Variants in ASCC2 observed in about 807,000 individuals in gnomAD.
ASCC2 encodes activating signal cointegrator 1 complex subunit 2, also known as ASC-1 complex subunit P100.
In ASCC2, 42 loss-of-function variants were observed where a neutral mutation model predicts 93.5. That is an observed-to-expected ratio of 0.45 (90% CI 0.35 to 0.58). The LOEUF (loss-of-function observed/expected upper bound fraction) is 0.58, where lower values mean the gene tolerates loss of function less well. Ranked by LOEUF, ASCC2 falls within the 20% of genes least tolerant of loss-of-function variation. The probability of loss-of-function intolerance (pLI) is 0.00; values close to 1 mark genes in which losing one functional copy is unlikely to be tolerated. For missense variants in ASCC2, 859 were observed against 977.6 expected (o/e 0.88, Z 1.62); for synonymous variants, 364 against 384.2 (o/e 0.95, Z 0.62).
chr22:29,832,102 A>G (rs2063223647), intron 2 of ASCC2, 143 bp downstream of exon 2: 1 of 675,450 alleles, frequency 1.5e-6, no homozygotes, highest in Non-Finnish European at 2.5e-6. Context: ...GGCCTGGAAG[A>G]GACTAGTAGT....
chr22:29,820,861 G>T (rs1354151353), intron 5 of ASCC2, among the ~76,000 whole-genome samples: 1 of 143,330 alleles, frequency 7.0e-6, no homozygotes, highest in Non-Finnish European at 1.5e-5. Context: ...GGCCGAGATT[G>T]CACCATTGCA....
chr22:29,828,691 T>C (rs1174189156), intron 2 of ASCC2, among the ~76,000 whole-genome samples: 2 of 152,152 alleles, frequency 1.3e-5, no homozygotes, highest in African/African-American at 2.4e-5. Context: ...CACCTCTCTA[T>C]ACCACTTGAA....
intron 19 of ASCC2, 82 bp downstream of exon 19, chr22:29,790,387 G>A (rs1013142791): frequency 1.5e-5 from 21 of 1,406,762 alleles, no homozygotes; most frequent in African/African-American, 1.3e-4. Context: ...TAGGGTGTAC[G>A]TGTGGGTTTC....
In ASCC2 at chr22:29,792,437, G is replaced by C. The variant is rs774147604; in HGVS notation, c.2018C>G (p.Pro673Arg). 3 of 1,613,866 alleles carry C rather than the reference G, an allele frequency of 1.9e-6. No individual in the cohort carries two copies. In the East Asian group the frequency reaches 6.7e-5, roughly 36 times the overall value. ...TGCTACCTGCCAGGGAGGTACCTTG[G>C]GAGCCTCCTCGTCAGCATCGTCTTC... is the stretch of plus-strand genomic sequence containing the variant. ...DEEDDADEEA[P>R]KPDHFVQDPA... Residue 673 changes from proline (P) to arginine (R), a missense_variant, in exon 18 of 20, where the codon CCC becomes CGC. Coordinates refer to ENST00000307790, the MANE Select transcript of ASCC2 (RefSeq NM_032204.5).
At chr22:29,803,875 T>C (rs1283188943) in intron 13 of ASCC2, among the ~76,000 whole-genome samples, 1 of 152,228 alleles carries the variant, frequency 6.6e-6, no homozygotes, top group Admixed American at 6.5e-5. Context: ...CATTTGTTAA[T>C]GGAGCACTGA....
chr22:29,802,865 A>G (rs2059252994), intron 13 of ASCC2, among the ~76,000 whole-genome samples: 1 of 152,072 alleles, frequency 6.6e-6, no homozygotes, highest in Non-Finnish European at 1.5e-5. Flanking sequence ...TGATCCCAGA[A>G]GGTCGAGGCT....
At chr22:29,807,488 G>A (rs1057274173) in intron 9 of ASCC2, among the ~76,000 whole-genome samples, 2 of 152,078 alleles carry the variant, frequency 1.3e-5, no homozygotes, top group African/African-American at 2.4e-5. Context: ...CTGAGGGAAG[G>A]GCTTCAATGC....
chr22:29,793,655 CGT>C lies in ASCC2; in HGVS notation c.1708_1709del (p.Thr570AlafsTer45). 1 of 1,578,466 alleles carries C rather than the reference CGT, an allele frequency of 6.3e-7. No homozygotes were observed. Among genetic ancestry groups the C allele is most frequent in the Non-Finnish European group, 8.6e-7 (1 of 1,163,196 alleles). ...CACGCTTGTCGTTCAGCAAACTCCG[CGT>C]GTTTTCCTCCTTCCTGGTGCTGAGA... ...KGKSTRKEENTRSLLNDKRAV... is the reference protein window; with the variant it reads ...KGKSTRKEENXRSLLNDKRAV... On this transcript the variant is annotated frameshift_variant, in exon 16 of 20. Transcript: ENST00000307790. LOFTEE classifies it high-confidence loss of function.
chr22:29,794,527 G>A (rs906265111), intron 15 of ASCC2, among the ~76,000 whole-genome samples: 3 of 152,026 alleles, frequency 2.0e-5, no homozygotes, highest in Non-Finnish European at 4.4e-5. Context: ...TAAAATGTGC[G>A]TACCTTTCAA....
At chr22:29,827,132 A>AAAC (rs1480939129) in intron 2 of ASCC2, among the ~76,000 whole-genome samples, 1 of 151,160 alleles carries the variant, frequency 6.6e-6, no homozygotes, top group African/African-American at 2.4e-5. Context: ...TATACCCATG[A>AAAC]AACAATTTGT....
At chr22:29,794,599 T>G (rs1193895611) in intron 15 of ASCC2, among the ~76,000 whole-genome samples, 1 of 152,236 alleles carries the variant, frequency 6.6e-6, no homozygotes, top group Non-Finnish European at 1.5e-5. Context: ...TACAGAGGTC[T>G]GATTAGGGAT....
At chr22:29,819,322 G>A (rs949645300) in intron 5 of ASCC2, among the ~76,000 whole-genome samples, 1 of 151,968 alleles carries the variant, frequency 6.6e-6, no homozygotes, top group Admixed American at 6.6e-5. Context: ...CACCATGCCC[G>A]GCAAATTTTT....
At chr22:29,822,557 C>T in intron 4 of ASCC2, 93 bp from the exon 5 acceptor site, 1 of 1,441,674 alleles carries the variant, frequency 6.9e-7, no homozygotes. Context: ...TTGGTTCCAT[C>T]AAATGGGGAC....
chr22:29,793,410 G>T lies in ASCC2; in HGVS notation c.1869C>A (p.Asn623Lys). The change falls in exon 17 of 20, where the codon AAC (asparagine) becomes AAA (lysine). Residue 623 changes from asparagine (N) to lysine (K), a missense_variant. Physicochemically the swap from Asn to Lys is moderately conservative, Grantham distance 94 (BLOSUM62 0). Transcript: ENST00000307790. ...EDEYDDTYDG[N>K]QVGANDADSD... ...AGTCTGCATCATTGGCGCCCACCTG[G>T]TTGCCATCGTATGTGTCATCGTACT... The T allele has an allele frequency of 1.2e-6, 2 of 1,614,046 alleles. No individual in the cohort carries two copies. The highest frequency in any genetic ancestry group is 1.1e-5 in the South Asian group (1 of 91,082).
intron 4 of ASCC2, among the ~76,000 whole-genome samples, chr22:29,823,366 G>A (rs1002022044): frequency 1.3e-5 from 2 of 152,100 alleles, no homozygotes; most frequent in Non-Finnish European, 2.9e-5. Flanking sequence ...TAAAAACAAA[G>A]CATGCTATAA....
At chr22:29,832,142 C>T (rs2063228889) in intron 2 of ASCC2, 103 bp downstream of exon 2, 1 of 978,170 alleles carries the variant, frequency 1.0e-6, no homozygotes, top group South Asian at 1.5e-5. Flanking sequence ...CGACCATGGC[C>T]CTCGTGTCAT....
In ASCC2 at chr22:29,824,866, C is replaced by T. The variant is rs559744895; in HGVS notation, c.411+221G>A. On this transcript the variant is annotated intron_variant, in intron 4 of 19. Transcript: ENST00000307790. ...CACGCGTCAGCTGGCAAAGGGCCCTCGGCTCTCTTTGATGGAAATACTGGG... is the reference window on the plus strand; with the variant it reads ...CACGCGTCAGCTGGCAAAGGGCCCTTGGCTCTCTTTGATGGAAATACTGGG... Among the ~76,000 whole-genome samples the T allele has an allele frequency of 1.1e-4, 17 of 152,280 alleles. No homozygotes were observed. The East Asian group carries it at 2.9e-3, about 26-fold the overall frequency.
chr22:29,794,419 G>A (rs1306927506), intron 15 of ASCC2, among the ~76,000 whole-genome samples: 2 of 151,896 alleles, frequency 1.3e-5, no homozygotes, highest in Admixed American at 6.6e-5. Context: ...TTGAAGCTGG[G>A]AAGTGGAGGT....
At chr22:29,790,426 T>G (rs748248706) in intron 19 of ASCC2, 43 bp downstream of exon 19, 1 of 1,608,880 alleles carries the variant, frequency 6.2e-7, no homozygotes. Flanking sequence ...CCTCCCCAGA[T>G]GGTGGGAGGG....
Sources: allele counts gnomAD v4.1 joint callset (sites outside exome capture counted in the v4.1 genomes callset), GRCh38; gene constraint gnomAD v4.1.1; transcripts MANE v1.5; gene names NCBI Gene and HGNC (gene_info 2026-07-23, HGNC 2026-07-21).